The following CACNA2D3 variants were observed in gnomAD, a reference collection of about 807,000 sequenced individuals.
CACNA2D3 encodes the protein calcium voltage-gated channel auxiliary subunit alpha2delta 3.
A neutral mutation model predicts 160.6 loss-of-function variants in CACNA2D3; 60 were observed. That is an observed-to-expected ratio of 0.37 (90% CI 0.30 to 0.46). The LOEUF is 0.46. Among genes scored for constraint, CACNA2D3 ranks in the 20% least tolerant of loss-of-function variants. The pLI is 1.00. For missense variants in CACNA2D3, 1,205 were observed against 1,365.0 expected, an observed-to-expected ratio of 0.88 and a Z score of 1.85; for synonymous variants, 558 against 492.9, an observed-to-expected ratio of 1.13 and a Z score of -1.75.
chr3:54,486,712 G>A (rs1370642271), intron 4 of CACNA2D3, among the ~76,000 whole-genome samples: 1 of 152,118 alleles, frequency 6.6e-6, no homozygotes, highest in South Asian at 2.1e-4. Context: ...CCAGGGTGCA[G>A]GGACCTCAGT....
At chr3:54,135,098 T>C (rs541893182) in intron 2 of CACNA2D3, among the ~76,000 whole-genome samples, 10 of 152,348 alleles carry the variant, frequency 6.6e-5, no homozygotes, top group Middle Eastern at 3.4e-3. Flanking sequence ...TCCCTTCGCC[T>C]TCACATGGGG....
At chr3:54,698,171 T>C (rs1203440029) in intron 11 of CACNA2D3, among the ~76,000 whole-genome samples, 2 of 152,174 alleles carry the variant, frequency 1.3e-5, no homozygotes, top group Admixed American at 1.3e-4. Flanking sequence ...AGACTGCCTG[T>C]CAGTGTGGAA....
At chr3:55,046,216 G>A (rs985960705) in intron 35 of CACNA2D3, among the ~76,000 whole-genome samples, 1 of 145,238 alleles carries the variant, frequency 6.9e-6, no homozygotes, top group Non-Finnish European at 1.5e-5. Flanking sequence ...TCGTCATCTA[G>A]CATTAGGTAT....
At chr3:54,783,463 G>A (rs762492306) in intron 13 of CACNA2D3, among the ~76,000 whole-genome samples, 2 of 151,952 alleles carry the variant, frequency 1.3e-5, no homozygotes, top group African/African-American at 4.8e-5. Context: ...AAAATTAGCC[G>A]GGCATGGTGC....
chr3:54,741,701 TG>T (rs1191944621), intron 11 of CACNA2D3, among the ~76,000 whole-genome samples: 1 of 152,114 alleles, frequency 6.6e-6, no homozygotes, highest in Non-Finnish European at 1.5e-5. Context: ...GAGTTTTCCT[TG>T]GTGGTCCACT....
chr3:54,156,684 A>C (rs1437538886), intron 2 of CACNA2D3, among the ~76,000 whole-genome samples: 2 of 152,194 alleles, frequency 1.3e-5, no homozygotes, highest in African/African-American at 4.8e-5. Context: ...CCACCATGTC[A>C]TGAGAGGCTC....
intron 17 of CACNA2D3, among the ~76,000 whole-genome samples, chr3:54,847,877 G>A (rs1698969402): frequency 6.6e-6 from 1 of 151,442 alleles, no homozygotes; most frequent in South Asian, 2.1e-4. Context: ...TTGCGTGACA[G>A]AGTTTGGACT....
At chr3:54,470,086 C>T (rs1700702935) in intron 4 of CACNA2D3, among the ~76,000 whole-genome samples, 1 of 152,146 alleles carries the variant, frequency 6.6e-6, no homozygotes, top group South Asian at 2.1e-4. Flanking sequence ...GAGAACATCA[C>T]AAAGATACTC....
chr3:54,431,327 CAAAAA>C (rs538169080), intron 4 of CACNA2D3, among the ~76,000 whole-genome samples: 1 of 85,050 alleles, frequency 1.2e-5, no homozygotes, highest in Non-Finnish European at 2.7e-5. Flanking sequence ...GACTCCGTCT[CAAAAA>C]AAAAAAAAGA....
At chr3:54,506,983 A>G (rs1004951953) in intron 5 of CACNA2D3, among the ~76,000 whole-genome samples, 14 of 152,160 alleles carry the variant, frequency 9.2e-5, no homozygotes, top group African/African-American at 3.4e-4. Flanking sequence ...CACATTATAT[A>G]TACACACATA....
At chr3:54,272,686 T>C (rs1019729457) in intron 2 of CACNA2D3, 3 of 151,648 alleles carry the variant, frequency 2.0e-5, no homozygotes, top group Admixed American at 6.6e-5. Flanking sequence ...ATGACATTGC[T>C]TCACTTTTGT....
intron 2 of CACNA2D3, among the ~76,000 whole-genome samples, chr3:54,262,106 T>G (rs896699415): frequency 2.6e-5 from 4 of 152,170 alleles, no homozygotes; most frequent in African/African-American, 9.7e-5. Flanking sequence ...CTTTAGCACG[T>G]TCCCAGAACC....
rs568055581 is a variant in CACNA2D3 at position 54,296,493 on chromosome 3, ATTTGTC to A, written c.205-23945_205-23940del. Among the ~76,000 whole-genome samples, 114 of 152,300 alleles carry A rather than the reference ATTTGTC, an allele frequency of 7.5e-4. 3 individuals are homozygous for A. In the South Asian group the frequency reaches 0.023, roughly 31 times the overall value. On this transcript the variant is annotated intron_variant, in intron 2 of 37. Coordinates refer to ENST00000474759, the MANE Select transcript of CACNA2D3 (RefSeq NM_018398.3). ...GGAGTTCTGCATTTCCCAGGATAAC[ATTTGTC>A]TTTATTTTAAATCATCAAAACAGCA...
intron 2 of CACNA2D3, among the ~76,000 whole-genome samples, chr3:54,254,091 G>A (rs573369020): frequency 9.2e-5 from 14 of 152,186 alleles, no homozygotes; most frequent in African/African-American, 2.2e-4. Context: ...TACAGTGAGC[G>A]GCTGGTTTAG....
rs138987647 is a variant in CACNA2D3 at position 54,918,711 on chromosome 3, G to C, written c.2449+18843G>C. 1.2e-6 allele frequency: 2 copies of C among 1,614,126 alleles called. No homozygotes were observed. Among genetic ancestry groups the C allele is most frequent in the Admixed American group, 1.7e-5 (1 of 60,014 alleles). On this transcript the variant is annotated intron_variant, in intron 27 of 37. Transcript: ENST00000474759. ...ACTCCAAGAGTTCTCGCTCCCCCGC[G>C]TTGTGGTTCTCAGGAGGCCTCAGGA...
intron 13 of CACNA2D3, 107 bp from the exon 14 acceptor site, chr3:54,816,746 T>G: frequency 3.2e-6 from 4 of 1,232,350 alleles, no homozygotes; most frequent in Non-Finnish European, 4.6e-6. Context: ...GTCTCCCCAT[T>G]TTGGTTTCTC....
chr3:54,919,266 G>A (rs966114870), intron 27 of CACNA2D3, among the ~76,000 whole-genome samples: 2 of 152,210 alleles, frequency 1.3e-5, no homozygotes, highest in African/African-American at 2.4e-5. Flanking sequence ...GAGCCCCACA[G>A]ACAAGAAAAC....
chr3:54,678,600 A>AG (rs1488924042), intron 11 of CACNA2D3, among the ~76,000 whole-genome samples: 2 of 151,940 alleles, frequency 1.3e-5, no homozygotes, highest in Admixed American at 1.3e-4. Flanking sequence ...GCGCGCCTGT[A>AG]GTCCCAGCCA....
At chr3:54,471,113 C>T (rs1334634510) in intron 4 of CACNA2D3, among the ~76,000 whole-genome samples, 1 of 152,196 alleles carries the variant, frequency 6.6e-6, no homozygotes, top group African/African-American at 2.4e-5. Context: ...GTACATCCTT[C>T]TCAGCACCAC....
Sources: allele counts gnomAD v4.1 joint callset (sites outside exome capture counted in the v4.1 genomes callset), GRCh38; gene constraint gnomAD v4.1.1; transcripts MANE v1.5; gene names NCBI Gene and HGNC (gene_info 2026-07-23, HGNC 2026-07-21).